Variants in SH3GLB2 observed in about 807,000 individuals in gnomAD.
SH3GLB2 encodes the protein SH3 domain containing GRB2 like, endophilin B2.
A neutral mutation model predicts 48.0 loss-of-function variants in SH3GLB2; 24 were observed. The ratio of observed to expected loss-of-function variants is 0.50; its 90% CI spans 0.36 to 0.70. The LOEUF (loss-of-function observed/expected upper bound fraction) is 0.70, where lower values mean the gene tolerates loss of function less well. Ranked by LOEUF, SH3GLB2 falls within the 30% of genes least tolerant of loss-of-function variation. The probability of loss-of-function intolerance (pLI) is 0.00; values close to 1 mark genes in which losing one functional copy is unlikely to be tolerated. For missense variants in SH3GLB2, 425 were observed against 516.0 expected (o/e 0.82, Z 1.71); for synonymous variants, 227 against 207.6 (o/e 1.09, Z -0.80).
chr9:129,014,308 A>C lies in SH3GLB2; in HGVS notation c.561+103T>G. 9.5e-7 allele frequency: 1 copy of C among 1,048,846 alleles called. No individual in the cohort carries two copies. Among genetic ancestry groups the C allele is most frequent in the Non-Finnish European group, 1.4e-6 (1 of 712,384 alleles). 65.0% of individuals were successfully genotyped at this position (1,048,846 alleles called of 1,614,324 possible). On this transcript the variant is annotated intron_variant, in intron 5 of 10. Transcript: ENST00000372564. The surrounding 1 kb of genome is among the most constrained non-coding windows in gnomAD (Gnocchi z 4.1). Reference sequence around the variant, plus strand: ...CAGCCAGGCATCTCCAGCCAGGGAGAGGGGAGAGAGGTCATGCCAAATACC... The same window carrying C: ...CAGCCAGGCATCTCCAGCCAGGGAGCGGGGAGAGAGGTCATGCCAAATACC...
rs754490460 is a variant in SH3GLB2 at position 129,014,477 on chromosome 9, C to G, written c.495G>C (p.Arg165=). ...ISKERRLLQN[R]RLDLDACKAR... is the part of the protein sequence containing the mutation. Reference sequence around the variant, plus strand: ...CTTTGCAGGCATCCAAGTCCAGACGCCGGTTTTGGAGGAGCCGCCTCTCCT... The same window carrying G: ...CTTTGCAGGCATCCAAGTCCAGACGGCGGTTTTGGAGGAGCCGCCTCTCCT... Residue 165 remains arginine (R), a synonymous_variant, in exon 5 of 11, where the codon CGG becomes CGC. Coordinates refer to ENST00000372564, the MANE Select transcript of SH3GLB2 (RefSeq NM_020145.4). This position sits in a 1 kb window ranked among gnomAD's most constrained non-coding sequence, Gnocchi z 4.1. The G allele has an allele frequency of 1.2e-5, 19 of 1,551,228 alleles. No individual in the cohort carries two copies. The highest frequency in any genetic ancestry group is 1.7e-5 in the Non-Finnish European group (19 of 1,147,050).
Position 129,014,636 on chromosome 9 carries a change from C to T in SH3GLB2, c.469-133G>A. 1 of 1,497,216 alleles carries T rather than the reference C, an allele frequency of 6.7e-7. No individual in the cohort carries two copies. Among genetic ancestry groups the T allele is most frequent in the South Asian group, 1.2e-5 (1 of 84,026 alleles). The allele number at this position is 1,497,216 out of a possible 1,614,324, so 92.7% of individuals were successfully genotyped here. ...TGAGGCCCAGAGATAGGAGGTCACT[C>T]AGTCCAAAGGAGCCCTCTCTGGGGA... On this transcript the variant is annotated intron_variant, in intron 4 of 10. Transcript: ENST00000372564. This position sits in a 1 kb window ranked among gnomAD's most constrained non-coding sequence, Gnocchi z 4.1.
At chr9:129,021,714 T>C (rs1291929782) in intron 2 of SH3GLB2, among the ~76,000 whole-genome samples, 1 of 151,676 alleles carries the variant, frequency 6.6e-6, no homozygotes, top group Admixed American at 6.6e-5. Flanking sequence ...ATCCCAGCAC[T>C]TTGGGAGGCC....
chr9:129,010,107 CA>C lies in SH3GLB2; in HGVS notation c.738+12del. On this transcript the variant is annotated intron_variant, in intron 8 of 10. Transcript: ENST00000372564. ...GAGGGTTAGGTTTAGTGAGGGTGGG[CA>C]GTGGGACTCACGTGAGTGCTACTGA... 6.2e-7 allele frequency: 1 copy of C among 1,610,366 alleles called. No individual in the cohort carries two copies. Among genetic ancestry groups the C allele is most frequent in the African/African-American group, 1.3e-5 (1 of 74,950 alleles).
intron 1 of SH3GLB2, 49 bp from the exon 2 acceptor site, chr9:129,022,472 G>T: frequency 6.8e-7 from 1 of 1,475,552 alleles, no homozygotes; most frequent in Non-Finnish European, 9.3e-7. Context: ...AGCTCAGAAG[G>T]AGGTGGGGGA....
In SH3GLB2 at chr9:129,027,995, G is replaced by A. The variant is rs1372479672; in HGVS notation, c.63+97C>T. The A allele has an allele frequency of 5.9e-6, 7 of 1,189,032 alleles. No homozygotes were observed. The South Asian group carries it at 7.9e-5, about 13-fold the overall frequency. The allele number at this position is 1,189,032 out of a possible 1,614,324, so 73.7% of individuals were successfully genotyped here. ...GCGGCGGGGACGAGGGCAGCAGCCCGGGAGGGCTTTCCCGCGTCCCCAGGC... is the reference window on the plus strand; with the variant it reads ...GCGGCGGGGACGAGGGCAGCAGCCCAGGAGGGCTTTCCCGCGTCCCCAGGC... On this transcript the variant is annotated intron_variant, in intron 1 of 10. Transcript: ENST00000372564.
intron 10 of SH3GLB2, 145 bp from the exon 11 acceptor site, chr9:129,008,936 A>T (rs1842920505): frequency 7.6e-7 from 1 of 1,321,054 alleles, no homozygotes; most frequent in Non-Finnish European, 1.0e-6. Flanking sequence ...CACTTGCTCC[A>T]GAGACCCAGC....
At position 129,028,164 on chromosome 9, in the gene SH3GLB2, G is replaced by C. The variant is rs1844276009; in HGVS notation, c.-10C>G. On this transcript the variant is annotated 5_prime_UTR_variant, in exon 1 of 11. Transcript: ENST00000372564. ...TCATGTTGAAGTCCATGGCGTGCCC[G>C]CACGGCCGCCGCGCACGGCCCGAGC... 7.0e-7 allele frequency: 1 copy of C among 1,429,466 alleles called. No homozygotes were observed. Among genetic ancestry groups the C allele is most frequent in the Non-Finnish European group, 9.2e-7 (1 of 1,088,750 alleles). 88.5% of individuals were successfully genotyped at this position (1,429,466 alleles called of 1,614,324 possible).
At position 129,011,114 on chromosome 9, in the gene SH3GLB2, C is replaced by T. The variant is rs1246486895; in HGVS notation, c.625-421G>A. The stretch of plus-strand genomic sequence containing the variant: ...GAAAGGTGGCCTCGTGCTTGAGTCA[C>T]ACTGGGACTCAATGGCAAAAGAAAA... On this transcript the variant is annotated intron_variant, in intron 6 of 10. Transcript: ENST00000372564. This position sits in a 1 kb window ranked among gnomAD's most constrained non-coding sequence, Gnocchi z 4.5. 1.1e-5 allele frequency: 2 copies of T among 183,452 alleles called. No individual in the cohort carries two copies. Among genetic ancestry groups the T allele is most frequent in the Non-Finnish European group, 2.2e-5 (2 of 88,926 alleles). The allele number at this position is 183,452 out of a possible 1,614,324, so 11.4% of individuals were successfully genotyped here.
chr9:129,020,061 C>T (rs542923913), intron 3 of SH3GLB2, among the ~76,000 whole-genome samples: 1 of 151,408 alleles, frequency 6.6e-6, no homozygotes, highest in Non-Finnish European at 1.5e-5. Flanking sequence ...AAAAAGTTAG[C>T]CAGGTGTGCT....
chr9:129,016,990 C>T (rs188236815), intron 3 of SH3GLB2, among the ~76,000 whole-genome samples: 1 of 147,556 alleles, frequency 6.8e-6, no homozygotes, highest in African/African-American at 2.5e-5. Context: ...CTCTGTCTCC[C>T]AGGCTGGAGT....
chr9:129,010,402 G>A (rs1843046095), intron 7 of SH3GLB2, 193 bp from the exon 8 acceptor site: 3 of 640,166 alleles, frequency 4.7e-6, no homozygotes, highest in South Asian at 3.9e-5. Context: ...GACCCCACAG[G>A]CAGCTGCAGT....
At chr9:129,013,823 T>C in intron 5 of SH3GLB2, 2 of 294,454 alleles carry the variant, frequency 6.8e-6, no homozygotes, top group Non-Finnish European at 6.9e-6. Context: ...AATCCTGGCC[T>C]CGCCCTGGGC....
At chr9:129,010,627 C>A (rs1284156293) in intron 7 of SH3GLB2, 43 bp downstream of exon 7, 2 of 1,610,828 alleles carry the variant, frequency 1.2e-6, no homozygotes, top group Non-Finnish European at 1.7e-6. Context: ...TGCACCCCGC[C>A]ACCCCTTCTT....
chr9:129,010,751 C>A, intron 6 of SH3GLB2, 58 bp from the exon 7 acceptor site: 1 of 1,607,050 alleles, frequency 6.2e-7, no homozygotes, highest in Non-Finnish European at 8.5e-7. Context: ...ACAGCTGGAC[C>A]CTAGAGCCTG....
At chr9:129,027,935 C>G (rs1218759370) in intron 1 of SH3GLB2, among the ~76,000 whole-genome samples, 157 bp downstream of exon 1, 1 of 152,240 alleles carries the variant, frequency 6.6e-6, no homozygotes, top group African/African-American at 2.4e-5. Flanking sequence ...TTCCCTCTTC[C>G]GGTCAGCAAG....
At chr9:129,009,629 T>G (rs1842986205) in intron 9 of SH3GLB2, 142 bp downstream of exon 9, 1 of 1,381,784 alleles carries the variant, frequency 7.2e-7, no homozygotes, top group Admixed American at 2.0e-5. Context: ...ACACATGAGA[T>G]GCCCGCACCC....
In SH3GLB2 at chr9:129,010,128, TA is replaced by T; in HGVS notation, c.729del (p.Ser243ArgfsTer5). 1 of 1,613,862 alleles carries T rather than the reference TA, an allele frequency of 6.2e-7. No homozygotes were observed. The highest frequency in any genetic ancestry group is 8.5e-7 in the Non-Finnish European group (1 of 1,179,814). On this transcript the variant is annotated frameshift_variant, in exon 8 of 11. Coordinates refer to ENST00000372564, the MANE Select transcript of SH3GLB2 (RefSeq NM_020145.4). LOFTEE classifies it high-confidence loss of function. ...EVTRLLLEGISSTHVNHLRCL... is the reference protein window; with the variant it reads ...EVTRLLLEGIXSTHVNHLRCL... Reference sequence around the variant, plus strand: ...TGGGCAGTGGGACTCACGTGAGTGCTACTGATTCCCTCCAGCAAGAGACGGG... The same window carrying T: ...TGGGCAGTGGGACTCACGTGAGTGCTCTGATTCCCTCCAGCAAGAGACGGG...
At chr9:129,009,965 G>T in intron 8 of SH3GLB2, 94 bp from the exon 9 acceptor site, 2 of 1,393,916 alleles carry the variant, frequency 1.4e-6, no homozygotes, top group Non-Finnish European at 2.0e-6. Context: ...ACCTTGCTCC[G>T]GCATTCCAGG....
Sources: allele counts gnomAD v4.1 joint callset (sites outside exome capture counted in the v4.1 genomes callset), GRCh38; gene constraint gnomAD v4.1.1; non-coding constraint Gnocchi (gnomAD v3.1); transcripts MANE v1.5; gene names NCBI Gene and HGNC (gene_info 2026-07-23, HGNC 2026-07-21).